The following RYR3 variants were observed in gnomAD, a reference collection of about 807,000 sequenced individuals.
RYR3 encodes the protein ryanodine receptor 3.
In RYR3, 207 loss-of-function variants were observed where a neutral mutation model predicts 584.3. The observed-to-expected ratio is 0.35, with a 90% CI of 0.32 to 0.40. The LOEUF (loss-of-function observed/expected upper bound fraction) is 0.40, where lower values mean the gene tolerates loss of function less well. Among genes scored for constraint, RYR3 ranks in the 10% least tolerant of loss-of-function variants. The pLI is 1.00. For synonymous variants in RYR3, 2,416 were observed against 2,248.5 expected, an observed-to-expected ratio of 1.07 and a Z score of -2.11; for missense variants, 5,616 against 6,089.2, an observed-to-expected ratio of 0.92 and a Z score of 2.59.
intron 60 of RYR3, among the ~76,000 whole-genome samples, chr15:33,759,540 G>A (rs1207642264): frequency 6.6e-6 from 1 of 152,150 alleles, no homozygotes; most frequent in African/African-American, 2.4e-5. Flanking sequence ...CGGAAGAAAG[G>A]AAATCAGAGA....
At chr15:33,844,336 A>C (rs2078572984) in intron 92 of RYR3, among the ~76,000 whole-genome samples, 1 of 152,238 alleles carries the variant, frequency 6.6e-6, no homozygotes, top group African/African-American at 2.4e-5. Context: ...CCAAGAAGAG[A>C]AAGCCAGCAA....
At chr15:33,440,892 A>C (rs1349412363) in intron 1 of RYR3, among the ~76,000 whole-genome samples, 1 of 151,888 alleles carries the variant, frequency 6.6e-6, no homozygotes, top group Non-Finnish European at 1.5e-5. Context: ...CAAGGAAAAG[A>C]ATGGTCAGAC....
intron 49 of RYR3, among the ~76,000 whole-genome samples, chr15:33,736,951 G>A (rs183463129): frequency 5.3e-5 from 8 of 152,112 alleles, no homozygotes; most frequent in African/African-American, 1.7e-4. Context: ...GTAGAGATGG[G>A]GTTTCACCAT....
At chr15:33,724,696 T>C in intron 45 of RYR3, among the ~76,000 whole-genome samples, 1 of 152,216 alleles carries the variant, frequency 6.6e-6, no homozygotes, top group East Asian at 1.9e-4. Flanking sequence ...AGTATGTTCT[T>C]TTCTTTTTTC....
chr15:33,397,304 A>C (rs1157727908), intron 1 of RYR3, among the ~76,000 whole-genome samples: 1 of 152,220 alleles, frequency 6.6e-6, no homozygotes, highest in Admixed American at 6.5e-5. Flanking sequence ...GGAGCTATGA[A>C]TATTCATAAA....
chr15:33,703,039 C>T (rs1028431426), intron 42 of RYR3, among the ~76,000 whole-genome samples: 32 of 152,138 alleles, frequency 2.1e-4, no homozygotes, highest in African/African-American at 7.5e-4. Flanking sequence ...CCACACAGAA[C>T]ACAGATTTAC....
In RYR3 at chr15:33,854,431, A is replaced by G. The variant is rs1323020118; in HGVS notation, c.13842A>G (p.Gly4614=). 10 of 1,575,298 alleles carry G rather than the reference A, an allele frequency of 6.3e-6. No individual in the cohort carries two copies. The highest frequency in any genetic ancestry group is 8.6e-6 in the Non-Finnish European group (10 of 1,159,354). ...TGAAGTACCATATCTGGAAGCTTGG[A>G]GTTGTTTTTACTGACAACGTAAGTA... ...IDMKYHIWKL[G]VVFTDNSFLY... is the part of the protein sequence containing the mutation. The change falls in exon 97 of 104, where the codon GGA becomes GGG. Residue 4614 remains glycine (G), a synonymous_variant. Coordinates refer to ENST00000634891, the MANE Select transcript of RYR3 (RefSeq NM_001036.6).
intron 73 of RYR3, 27 bp downstream of exon 73, chr15:33,813,021 G>T: frequency 6.2e-7 from 1 of 1,613,526 alleles, no homozygotes; most frequent in South Asian, 1.1e-5. Context: ...CTGAGGAATG[G>T]GGAAGCAGAA....
At chr15:33,771,857 C>A in intron 62 of RYR3, 63 bp from the exon 63 acceptor site, 2 of 1,210,938 alleles carry the variant, frequency 1.7e-6, no homozygotes, top group East Asian at 2.5e-5. Flanking sequence ...CTGCCAGTTT[C>A]AAGAAGGGGA....
chr15:33,548,087 C>CAGTG lies in RYR3; in HGVS notation c.741-42_741-39dup, dbSNP rs2056384294. 4.9e-6 allele frequency: 7 copies of CAGTG among 1,427,500 alleles called. No homozygotes were observed. The East Asian group carries it at 1.6e-4, about 33-fold the overall frequency. 88.4% of individuals were successfully genotyped at this position (1,427,500 alleles called of 1,614,324 possible). A position where few individuals can be genotyped will look rare whatever the true frequency, so the allele number is the denominator to read the frequency against. On this transcript the variant is annotated intron_variant, in intron 8 of 103. Coordinates refer to ENST00000634891, the MANE Select transcript of RYR3 (RefSeq NM_001036.6). ...AGCTGTTCTTCACCCGGGTGCTGATCAGTGTCATGCAAGTAGGAGCTGATC... is the reference window on the plus strand; with the variant it reads ...AGCTGTTCTTCACCCGGGTGCTGATCAGTGAGTGTCATGCAAGTAGGAGCTGATC...
intron 28 of RYR3, among the ~76,000 whole-genome samples, chr15:33,644,773 T>G (rs1028961624): frequency 6.6e-6 from 1 of 152,232 alleles, no homozygotes; most frequent in Non-Finnish European, 1.5e-5. Context: ...GGCCACTGAA[T>G]TTGCTCTGGA....
intron 43 of RYR3, among the ~76,000 whole-genome samples, chr15:33,713,984 C>T (rs371931158): frequency 9.9e-5 from 15 of 152,050 alleles, no homozygotes; most frequent in East Asian, 1.9e-4. Context: ...GGGGGGGACA[C>T]GAATATTCAG....
At chr15:33,845,167 C>G (rs929857538) in intron 93 of RYR3, 105 bp downstream of exon 93, 1 of 1,113,110 alleles carries the variant, frequency 9.0e-7, no homozygotes, top group Non-Finnish European at 1.3e-6. Flanking sequence ...CCGTAAAGGC[C>G]TTCGTAAGGT....
intron 91 of RYR3, 111 bp from the exon 92 acceptor site, chr15:33,843,377 T>C: frequency 2.9e-6 from 2 of 699,986 alleles, no homozygotes; most frequent in Middle Eastern, 4.8e-4. Flanking sequence ...CATCAAAGAG[T>C]AGGACGAGTC....
At chr15:33,840,401 T>C (rs1174947936) in intron 89 of RYR3, among the ~76,000 whole-genome samples, 1 of 152,098 alleles carries the variant, frequency 6.6e-6, no homozygotes, top group Admixed American at 6.5e-5. Context: ...CTAACTGCAG[T>C]GGTCCTCAGC....
chr15:33,564,918 T>A (rs1435613520), intron 11 of RYR3, among the ~76,000 whole-genome samples: 1 of 152,228 alleles, frequency 6.6e-6, no homozygotes, highest in Non-Finnish European at 1.5e-5. Context: ...GTGCCCTCTC[T>A]AAAAATACAA....
intron 38 of RYR3, among the ~76,000 whole-genome samples, chr15:33,689,626 C>G (rs1403970687): frequency 6.6e-6 from 1 of 152,054 alleles, no homozygotes; most frequent in Non-Finnish European, 1.5e-5. Flanking sequence ...TCTTTAGTCT[C>G]CATGTAATGG....
chr15:33,431,637 G>T (rs1432970954), intron 1 of RYR3, among the ~76,000 whole-genome samples: 1 of 152,010 alleles, frequency 6.6e-6, no homozygotes, highest in Non-Finnish European at 1.5e-5. Context: ...ATGGTGGTGT[G>T]CATCTGTAGT....
At chr15:33,831,407 G>GAA (rs1222190383) in intron 86 of RYR3, among the ~76,000 whole-genome samples, 1 of 152,152 alleles carries the variant, frequency 6.6e-6, no homozygotes, top group Non-Finnish European at 1.5e-5. Context: ...TTTATATCTA[G>GAA]AAAAATGTCT....
Sources: gnomAD v4.1 joint callset for allele counts (sites outside exome capture counted in the v4.1 genomes callset) on GRCh38, gnomAD v4.1.1 for gene constraint, MANE v1.5 for transcripts, NCBI Gene and HGNC (gene_info 2026-07-23, HGNC 2026-07-21) for gene names.